The following KDM4C variants were observed in gnomAD, a reference collection of about 807,000 sequenced individuals.
KDM4C encodes the protein lysine demethylase 4C, also known as lysine-specific demethylase 4C.
KDM4C carries 81 observed loss-of-function variants against 129.3 expected under a neutral mutation model. That is an observed-to-expected ratio of 0.63 (90% CI 0.52 to 0.75). KDM4C has a LOEUF of 0.75. KDM4C is among the 30% of genes least tolerant of loss of function. The pLI, the probability that KDM4C is intolerant of heterozygous loss-of-function variation, is 0.00. For synonymous variants in KDM4C, 573 were observed against 456.1 expected (o/e 1.26, Z -3.26); for missense variants, 1,457 against 1,304.0 (o/e 1.12, Z -1.81).
intron 5 of KDM4C, among the ~76,000 whole-genome samples, chr9:6,876,282 CTT>C (rs1843542118): frequency 6.6e-6 from 1 of 152,164 alleles, no homozygotes; most frequent in South Asian, 2.1e-4. Context: ...ATTTAGCCAT[CTT>C]TTAATAATGA....
At chr9:7,165,557 C>CT (rs1051072909) in intron 20 of KDM4C, among the ~76,000 whole-genome samples, 200 bp downstream of exon 20, 3 of 152,210 alleles carry the variant, frequency 2.0e-5, no homozygotes, top group Non-Finnish European at 4.4e-5. Context: ...CTGGGAAACT[C>CT]TTAACAGCAT....
chr9:6,954,979 T>C (rs532861083), intron 8 of KDM4C, among the ~76,000 whole-genome samples: 4 of 152,360 alleles, frequency 2.6e-5, no homozygotes, highest in Admixed American at 2.6e-4. Context: ...AGGGACTTTC[T>C]GTTGGAAGAG....
chr9:7,144,430 G>A (rs1379570955), intron 19 of KDM4C, among the ~76,000 whole-genome samples: 1 of 152,212 alleles, frequency 6.6e-6, no homozygotes, highest in East Asian at 1.9e-4. Flanking sequence ...CTGCTGGGCT[G>A]TGAAATGCAA....
At position 7,128,152 on chromosome 9, in the gene KDM4C, G is replaced by T; in HGVS notation, c.2697G>T (p.Val899=). ...HRNTRYYSCR[V]MAVTSQTFYE... is the part of the protein sequence containing the mutation. Reference sequence around the variant, plus strand: ...ACACCCGGTATTACAGTTGCAGAGTGATGGCTGTGACATCGCAGACCTTCT... The same window carrying T: ...ACACCCGGTATTACAGTTGCAGAGTTATGGCTGTGACATCGCAGACCTTCT... The change falls in exon 19 of 22, where the codon GTG becomes GTT. Residue 899 remains valine, a synonymous_variant. Transcript: ENST00000381309. 3 of 1,613,270 alleles carry T rather than the reference G, an allele frequency of 1.9e-6. No individual in the cohort carries two copies. Among genetic ancestry groups the T allele is most frequent in the African/African-American group, 1.3e-5 (1 of 74,964 alleles).
chr9:6,848,689 G>GT (rs1206005333), intron 4 of KDM4C, among the ~76,000 whole-genome samples: 1 of 151,792 alleles, frequency 6.6e-6, no homozygotes, highest in Admixed American at 6.6e-5. Flanking sequence ...AAAAATGATT[G>GT]TTAAGTTCTA....
intron 19 of KDM4C, among the ~76,000 whole-genome samples, chr9:7,154,532 C>T (rs970044192): frequency 2.0e-5 from 3 of 152,154 alleles, no homozygotes; most frequent in East Asian, 1.9e-4. Context: ...AGAAGGGTCT[C>T]GTAAGAGTTC....
intron 8 of KDM4C, among the ~76,000 whole-genome samples, chr9:6,904,406 ATTT>A (rs34938835): frequency 2.1e-5 from 3 of 144,280 alleles, no homozygotes; most frequent in Non-Finnish European, 4.6e-5. Flanking sequence ...TTTGCAGTGG[ATTT>A]TTTTTTTTTT....
intron 17 of KDM4C, among the ~76,000 whole-genome samples, chr9:7,076,014 C>T (rs1433958327): frequency 2.0e-5 from 3 of 152,114 alleles, no homozygotes; most frequent in East Asian, 1.9e-4. Context: ...TGGGATAGAA[C>T]GAACATTTAT....
At chr9:6,759,724 G>C (rs1374832315) in intron 1 of KDM4C, among the ~76,000 whole-genome samples, 1 of 151,984 alleles carries the variant, frequency 6.6e-6, no homozygotes, top group Admixed American at 6.6e-5. Context: ...AGGCCGAGGC[G>C]GGTGTATCAC....
At chr9:6,911,506 T>G (rs10975890) in intron 8 of KDM4C, among the ~76,000 whole-genome samples, 17,420 of 152,222 alleles carry the variant, frequency 0.11, 1,717 homozygotes, top group African/African-American at 0.26. Flanking sequence ...AGTACATTAG[T>G]GAATTTTAGA....
chr9:7,087,597 G>C (rs1405759454), intron 17 of KDM4C, among the ~76,000 whole-genome samples: 1 of 152,136 alleles, frequency 6.6e-6, no homozygotes, highest in African/African-American at 2.4e-5. Flanking sequence ...ATGGTACAGT[G>C]ATAACTAAAA....
chr9:6,842,588 G>C (rs1837160963), intron 4 of KDM4C, among the ~76,000 whole-genome samples: 1 of 151,826 alleles, frequency 6.6e-6, no homozygotes, highest in Non-Finnish European at 1.5e-5. Context: ...CGTCTGCCTT[G>C]GGCTCCCAAA....
intron 8 of KDM4C, among the ~76,000 whole-genome samples, chr9:6,960,320 C>T (rs1413212698): frequency 2.7e-5 from 4 of 149,040 alleles, no homozygotes; most frequent in African/African-American, 7.4e-5. Context: ...GTCTCTGTCA[C>T]CCAGGCTGAA....
At chr9:7,056,873 C>T (rs1830940112) in intron 17 of KDM4C, among the ~76,000 whole-genome samples, 1 of 152,146 alleles carries the variant, frequency 6.6e-6, no homozygotes, top group African/African-American at 2.4e-5. Context: ...GTTGGAGTTT[C>T]AGAGACAGGG....
At chr9:6,863,786 T>C (rs1588783494) in intron 5 of KDM4C, among the ~76,000 whole-genome samples, 4 of 116,432 alleles carry the variant, frequency 3.4e-5, no homozygotes, top group East Asian at 2.4e-4. Flanking sequence ...ACAGCGAGAC[T>C]CCATCTCAAA....
At chr9:6,811,853 G>A (rs1831209943) in intron 3 of KDM4C, among the ~76,000 whole-genome samples, 1 of 152,172 alleles carries the variant, frequency 6.6e-6, no homozygotes, top group South Asian at 2.1e-4. Context: ...TGAGTGAGAG[G>A]TTCTGGGTAA....
intron 19 of KDM4C, among the ~76,000 whole-genome samples, chr9:7,161,607 A>G (rs1242983320): frequency 1.3e-5 from 2 of 152,260 alleles, no homozygotes; most frequent in East Asian, 3.9e-4. Context: ...CACCCCACAG[A>G]GCCATGGGGT....
At chr9:7,088,847 AG>A (rs1835453662) in intron 17 of KDM4C, among the ~76,000 whole-genome samples, 1 of 151,288 alleles carries the variant, frequency 6.6e-6, no homozygotes, top group South Asian at 2.1e-4. Context: ...TGGAAAAAAA[AG>A]AAAAAGAAAA....
At chr9:7,083,544 A>T (rs1351600576) in intron 17 of KDM4C, among the ~76,000 whole-genome samples, 1 of 152,222 alleles carries the variant, frequency 6.6e-6, no homozygotes, top group African/African-American at 2.4e-5. Context: ...GGGCTGCTAC[A>T]GCATGCTATT....
Sources: allele counts gnomAD v4.1 joint callset (sites outside exome capture counted in the v4.1 genomes callset), GRCh38; gene constraint gnomAD v4.1.1; transcripts MANE v1.5; gene names NCBI Gene and HGNC (gene_info 2026-07-23, HGNC 2026-07-21).